PCSK2: variants seen among roughly 807,000 people sequenced by gnomAD.
PCSK2 encodes neuroendocrine convertase 2.
In PCSK2, 14 loss-of-function variants were observed where a neutral mutation model predicts 69.7. That is an observed-to-expected ratio of 0.20 (90% CI 0.13 to 0.31). PCSK2 has a LOEUF of 0.31. Among genes scored for constraint, PCSK2 ranks in the 10% least tolerant of loss-of-function variants. The pLI, the probability that PCSK2 is intolerant of heterozygous loss-of-function variation, is 1.00. For missense variants in PCSK2, 544 were observed against 842.5 expected, an observed-to-expected ratio of 0.65 and a Z score of 4.39; for synonymous variants, 307 against 320.7, an observed-to-expected ratio of 0.96 and a Z score of 0.46.
At chr20:17,322,248 G>A (rs780966306) in intron 2 of PCSK2, among the ~76,000 whole-genome samples, 14 of 152,118 alleles carry the variant, frequency 9.2e-5, no homozygotes, top group Non-Finnish European at 2.1e-4. Context: ...GGCACTTGTT[G>A]GGACTGGAAA....
chr20:17,401,357 C>G (rs770307783), intron 5 of PCSK2, among the ~76,000 whole-genome samples: 5 of 152,122 alleles, frequency 3.3e-5, no homozygotes, highest in Non-Finnish European at 7.4e-5. Flanking sequence ...GTTCCTCATA[C>G]ACAAGGACTT....
rs1029751878 is a variant in PCSK2 at position 17,481,812 on chromosome 20, T to G, written c.1659T>G (p.Pro553=). ...CCAAGGTGGGCTTTGACAAGTGGCC[T>G]TTCATGACCACTCACACGTGGGGGG... The part of the protein sequence containing the change: ...DDSKVGFDKW[P]FMTTHTWGED... The change falls in exon 12 of 12, where the codon CCT becomes CCG. Residue 553 remains proline (P), a synonymous_variant. Transcript: ENST00000262545. 1.9e-6 allele frequency: 3 copies of G among 1,614,028 alleles called. No homozygotes were observed. In the African/African-American group the frequency reaches 4.0e-5, roughly 22 times the overall value.
intron 2 of PCSK2, among the ~76,000 whole-genome samples, chr20:17,290,439 T>A (rs543664650): frequency 4.6e-5 from 7 of 152,372 alleles, no homozygotes; most frequent in African/African-American, 1.7e-4. Flanking sequence ...CTGCTAATTA[T>A]CACCATGTGC....
At chr20:17,347,877 A>AGG in intron 2 of PCSK2, among the ~76,000 whole-genome samples, 1 of 3,438 alleles carries the variant, frequency 2.9e-4, no homozygotes, top group African/African-American at 1.5e-3. Flanking sequence ...GAGAAAAAAG[A>AGG]AAGAAAGAAA....
intron 2 of PCSK2, among the ~76,000 whole-genome samples, chr20:17,304,358 A>G (rs1361727026): frequency 2.0e-5 from 3 of 152,208 alleles, no homozygotes; most frequent in Admixed American, 2.0e-4. Flanking sequence ...TCAAAAGCCT[A>G]AAAGAGAGAA....
intron 1 of PCSK2, among the ~76,000 whole-genome samples, chr20:17,242,121 G>A (rs193298299): frequency 6.6e-6 from 1 of 152,328 alleles, no homozygotes; most frequent in African/African-American, 2.4e-5. Context: ...GATAACCATG[G>A]ACAACACAAG....
intron 2 of PCSK2, among the ~76,000 whole-genome samples, chr20:17,277,490 T>C (rs1444034952): frequency 6.6e-6 from 1 of 152,176 alleles, no homozygotes; most frequent in African/African-American, 2.4e-5. Context: ...ATTTAATAAA[T>C]GGTGCTGGGA....
At chr20:17,370,925 T>G (rs2030739939) in intron 5 of PCSK2, among the ~76,000 whole-genome samples, 1 of 152,194 alleles carries the variant, frequency 6.6e-6, no homozygotes, top group African/African-American at 2.4e-5. Flanking sequence ...GCAGGGATCA[T>G]GGCCTCCAGG....
At chr20:17,481,417 G>C (rs1393035049) in intron 11 of PCSK2, among the ~76,000 whole-genome samples, 167 bp from the exon 12 acceptor site, 1 of 114,946 alleles carries the variant, frequency 8.7e-6, no homozygotes, top group African/African-American at 3.7e-5. Flanking sequence ...AAAAAAAAGA[G>C]ATAAGTAACT....
intron 7 of PCSK2, among the ~76,000 whole-genome samples, chr20:17,434,319 G>T (rs2032440070): frequency 6.6e-6 from 1 of 151,962 alleles, no homozygotes; most frequent in African/African-American, 2.4e-5. Context: ...GCATCCAGGG[G>T]CAGAGGAGAG....
At chr20:17,388,856 G>A (rs780044841) in intron 5 of PCSK2, among the ~76,000 whole-genome samples, 2 of 152,072 alleles carry the variant, frequency 1.3e-5, no homozygotes, top group Non-Finnish European at 2.9e-5. Context: ...GATTTTGACG[G>A]GAATATATTT....
chr20:17,347,994 AAAAGAG>A (rs1990729135), intron 2 of PCSK2, among the ~76,000 whole-genome samples: 1 of 132,230 alleles, frequency 7.6e-6, no homozygotes, highest in Admixed American at 7.3e-5. Context: ...GGAGAGAGAA[AAAAGAG>A]AAAGAAAGAA....
chr20:17,303,838 C>T (rs777331010), intron 2 of PCSK2, among the ~76,000 whole-genome samples: 3 of 148,876 alleles, frequency 2.0e-5, no homozygotes, highest in Non-Finnish European at 4.4e-5. Context: ...CCCCGCCCTC[C>T]CAAAGTGCTG....
At chr20:17,328,335 A>T (rs1011621415) in intron 2 of PCSK2, among the ~76,000 whole-genome samples, 1 of 149,964 alleles carries the variant, frequency 6.7e-6, no homozygotes, top group Non-Finnish European at 1.5e-5. Flanking sequence ...ATATAATTAT[A>T]TGTTACACAT....
chr20:17,443,307 C>T (rs530157345), intron 8 of PCSK2, among the ~76,000 whole-genome samples: 55 of 152,288 alleles, frequency 3.6e-4, no homozygotes, highest in African/African-American at 1.2e-3. Context: ...TGACACAATG[C>T]GGTTTACAGA....
intron 2 of PCSK2, among the ~76,000 whole-genome samples, chr20:17,316,339 C>G (rs149276883): frequency 3.5e-4 from 53 of 152,328 alleles, no homozygotes; most frequent in African/African-American, 1.2e-3. Flanking sequence ...CATGCAAATG[C>G]TTTAAAATTA....
chr20:17,309,488 T>C (rs1006292781), intron 2 of PCSK2, among the ~76,000 whole-genome samples: 2 of 152,224 alleles, frequency 1.3e-5, no homozygotes, highest in Admixed American at 1.3e-4. Flanking sequence ...TGTTCTCACA[T>C]TGCTATAAGG....
At chr20:17,405,327 T>C (rs1482984591) in intron 5 of PCSK2, among the ~76,000 whole-genome samples, 1 of 152,182 alleles carries the variant, frequency 6.6e-6, no homozygotes, top group African/African-American at 2.4e-5. Context: ...GGGAAGCCCA[T>C]TGATCACAGA....
intron 2 of PCSK2, among the ~76,000 whole-genome samples, chr20:17,317,285 C>T (rs75552177): frequency 0.07 from 10,584 of 152,286 alleles, 565 homozygotes; most frequent in South Asian, 0.28. Flanking sequence ...ATTACTGATA[C>T]ATAATTTTCC....
Sources: allele counts gnomAD v4.1 joint callset (sites outside exome capture counted in the v4.1 genomes callset), GRCh38; gene constraint gnomAD v4.1.1; transcripts MANE v1.5; gene names NCBI Gene and HGNC (gene_info 2026-07-23, HGNC 2026-07-21).